Variants in EYS observed in about 807,000 individuals in gnomAD.
EYS encodes the protein EGF-like photoreceptor maintenance factor.
A neutral mutation model predicts 282.1 loss-of-function variants in EYS; 250 were observed. The observed-to-expected ratio is 0.89, with a 90% CI of 0.80 to 0.98. EYS has a LOEUF of 0.98. Among genes scored for constraint, EYS ranks in the 50% least tolerant of loss-of-function variants. The probability of loss-of-function intolerance (pLI) is 0.00; values close to 1 mark genes in which losing one functional copy is unlikely to be tolerated. For missense variants in EYS, 4,016 were observed against 3,709.0 expected (o/e 1.08, Z -2.15); for synonymous variants, 1,355 against 1,282.9 (o/e 1.06, Z -1.20).
chr6:65,437,131 G>C (rs972646853), intron 5 of EYS, among the ~76,000 whole-genome samples: 3 of 152,048 alleles, frequency 2.0e-5, no homozygotes, highest in African/African-American at 7.2e-5. Context: ...TTATACTACA[G>C]AAAATGTTGC....
intron 28 of EYS, among the ~76,000 whole-genome samples, chr6:64,423,423 C>T (rs1774298615): frequency 6.6e-6 from 1 of 152,170 alleles, no homozygotes; most frequent in African/African-American, 2.4e-5. Flanking sequence ...TTGAAATATA[C>T]ACAATGTTTC....
At chr6:63,861,183 A>G (rs1772521675) in intron 36 of EYS, among the ~76,000 whole-genome samples, 1 of 152,194 alleles carries the variant, frequency 6.6e-6, no homozygotes, top group African/African-American at 2.4e-5. Flanking sequence ...TTCCTACAAA[A>G]GAAGCTGTTA....
chr6:65,494,218 C>A (rs1163472198), intron 4 of EYS, among the ~76,000 whole-genome samples: 2 of 151,694 alleles, frequency 1.3e-5, no homozygotes, highest in African/African-American at 4.8e-5. Flanking sequence ...CTATATCCAG[C>A]CAAATCCAAG....
At chr6:64,196,336 C>T (rs570639221) in intron 31 of EYS, among the ~76,000 whole-genome samples, 14 of 152,268 alleles carry the variant, frequency 9.2e-5, no homozygotes, top group South Asian at 2.1e-4. Flanking sequence ...GTCAGTGTGG[C>T]AATTCCTCAG....
intron 12 of EYS, among the ~76,000 whole-genome samples, chr6:65,217,630 G>C (rs1766349371): frequency 6.6e-6 from 1 of 151,928 alleles, no homozygotes; most frequent in African/African-American, 2.4e-5. Context: ...TAATAGTTCT[G>C]TTGACATATA....
chr6:64,686,742 A>AATATATATATATATATGTGTGTAT (rs1770121334), intron 22 of EYS, among the ~76,000 whole-genome samples: 1 of 33,712 alleles, frequency 3.0e-5, no homozygotes, highest in African/African-American at 6.8e-5. Context: ...ATTCCATCTA[A>AATATATATATATATATGTGTGTAT]ATATATATAT....
At chr6:64,296,541 AATATATATAT>A (rs1211614579) in intron 30 of EYS, among the ~76,000 whole-genome samples, 401 of 15,496 alleles carry the variant, frequency 0.026, 2 homozygotes, top group Middle Eastern at 0.091. Context: ...GTACTGGCAG[AATATATATAT>A]ATATATATAT....
chr6:64,075,806 C>T (rs1422816676), intron 32 of EYS, among the ~76,000 whole-genome samples: 1 of 151,950 alleles, frequency 6.6e-6, no homozygotes, highest in Non-Finnish European at 1.5e-5. Flanking sequence ...ATGTATCTCT[C>T]ATTGACTTAT....
At chr6:65,534,644 C>T (rs1169877075) in intron 2 of EYS, among the ~76,000 whole-genome samples, 1 of 152,090 alleles carries the variant, frequency 6.6e-6, no homozygotes, top group Non-Finnish European at 1.5e-5. Flanking sequence ...CAAATATGCA[C>T]ACATAACCAA....
At chr6:63,794,417 T>C (rs1168183665) in intron 37 of EYS, among the ~76,000 whole-genome samples, 9 of 152,212 alleles carry the variant, frequency 5.9e-5, no homozygotes, top group Admixed American at 5.9e-4. Context: ...ATAGCCCAAA[T>C]TGCTTCAGTG....
At chr6:64,446,340 T>A (rs560115484) in intron 26 of EYS, among the ~76,000 whole-genome samples, 138 of 152,258 alleles carry the variant, frequency 9.1e-4, no homozygotes, top group Middle Eastern at 3.4e-3. Context: ...CAGAGTTTTT[T>A]TAATAGACTA....
chr6:65,152,574 G>A (rs1051173529), intron 12 of EYS, among the ~76,000 whole-genome samples: 6 of 151,724 alleles, frequency 4.0e-5, no homozygotes, highest in African/African-American at 1.5e-4. Flanking sequence ...AAATAAACCT[G>A]CCATCTTTGA....
intron 41 of EYS, among the ~76,000 whole-genome samples, chr6:63,753,359 T>C (rs1229920467): frequency 2.6e-5 from 4 of 151,980 alleles, no homozygotes; most frequent in Non-Finnish European, 5.9e-5. Flanking sequence ...TTTTTAAATT[T>C]TGAATAATCA....
At chr6:64,749,275 G>A (rs1040745904) in intron 22 of EYS, among the ~76,000 whole-genome samples, 6 of 152,118 alleles carry the variant, frequency 3.9e-5, no homozygotes, top group Non-Finnish European at 5.9e-5. Context: ...TATACCTTTT[G>A]TACACCATTT....
chr6:65,416,387 T>C (rs1767234440), intron 5 of EYS, among the ~76,000 whole-genome samples: 1 of 151,982 alleles, frequency 6.6e-6, no homozygotes. Flanking sequence ...TTATCATTTT[T>C]ATCTCAAAAA....
At chr6:65,071,373 A>T (rs962615287) in intron 12 of EYS, among the ~76,000 whole-genome samples, 1 of 151,894 alleles carries the variant, frequency 6.6e-6, no homozygotes, top group Non-Finnish European at 1.5e-5. Flanking sequence ...GTAAAAATAC[A>T]TTGGCATATA....
rs952176698 is a variant in EYS, at chr6:65,310,970, G to A, written c.1767-14851C>T. ...TCTGTAATGACCAACTTTTCCTGTC[G>A]TGTTCACTATTGTTTTCCAAGCACA... On this transcript the variant is annotated intron_variant, in intron 11 of 42. Coordinates refer to ENST00000503581, the MANE Select transcript of EYS (RefSeq NM_001142800.2). 2.4e-4 allele frequency among the ~76,000 whole-genome samples: 37 copies of A among 151,946 alleles called. No homozygotes were observed. The South Asian group carries it at 2.9e-3, about 12-fold the overall frequency.
intron 35 of EYS, among the ~76,000 whole-genome samples, chr6:63,949,899 C>T (rs1360710667): frequency 3.3e-5 from 5 of 152,058 alleles, no homozygotes; most frequent in Admixed American, 6.6e-5. Flanking sequence ...TTTGGCCAGG[C>T]GCGGTGTCTC....
chr6:64,556,415 T>C (rs1485960175), intron 26 of EYS, among the ~76,000 whole-genome samples: 2 of 151,818 alleles, frequency 1.3e-5, no homozygotes, highest in Non-Finnish European at 1.5e-5. Context: ...TACATGATAT[T>C]TGAGGAGAGA....
Sources: allele counts gnomAD v4.1 joint callset (sites outside exome capture counted in the v4.1 genomes callset), GRCh38; gene constraint gnomAD v4.1.1; transcripts MANE v1.5; gene names NCBI Gene and HGNC (gene_info 2026-07-23, HGNC 2026-07-21).